PHKA1: variants seen among roughly 807,000 people sequenced by gnomAD.
PHKA1 encodes phosphorylase kinase regulatory subunit alpha 1, also known as phosphorylase b kinase regulatory subunit alpha, skeletal muscle isoform.
Under a neutral mutation model 110.2 loss-of-function variants are expected in PHKA1, and 60 were observed. The ratio of observed to expected loss-of-function variants is 0.54; its 90% CI spans 0.44 to 0.68. PHKA1 has a LOEUF of 0.68. PHKA1 is among the 30% of genes least tolerant of loss of function. The pLI, the probability that PHKA1 is intolerant of heterozygous loss-of-function variation, is 0.00. For synonymous variants in PHKA1, 316 were observed against 333.6 expected, an observed-to-expected ratio of 0.95 and a Z score of 0.58; for missense variants, 801 against 942.5, an observed-to-expected ratio of 0.85 and a Z score of 1.97.
chrX:72,599,941 A>C lies in PHKA1; in HGVS notation c.3072+2050T>G, dbSNP rs1234192888. 4.2e-5 allele frequency: 20 copies of C among 481,508 alleles called. No homozygotes were observed. In the East Asian group the frequency reaches 7.5e-4, roughly 18 times the overall value. The allele number at this position is 481,508 out of a possible 1,213,427, so 39.7% of individuals were successfully genotyped here. A position where few individuals can be genotyped will look rare whatever the true frequency, so the allele number is the denominator to read the frequency against. ...AAACAATTATTTGTACTTTTAAGTCACTAGTGGAGTAAAAATACAGACTAT... is the reference window on the plus strand; with the variant it reads ...AAACAATTATTTGTACTTTTAAGTCCCTAGTGGAGTAAAAATACAGACTAT... On this transcript the variant is annotated intron_variant, in intron 28 of 31. Coordinates refer to ENST00000373542, the MANE Select transcript of PHKA1 (RefSeq NM_002637.4).
At chrX:72,616,558 G>A (rs1449968010) in intron 21 of PHKA1, among the ~76,000 whole-genome samples, 3 of 110,810 alleles carry the variant, frequency 2.7e-5, no homozygotes, top group Admixed American at 1.9e-4. Flanking sequence ...ATAATAGTAC[G>A]GGCCTTCAAC....
intron 28 of PHKA1, among the ~76,000 whole-genome samples, chrX:72,596,005 TGCA>T (rs1369458372): frequency 3.6e-5 from 4 of 112,351 alleles, no homozygotes; most frequent in African/African-American, 1.3e-4. Flanking sequence ...CATGTTCAAA[TGCA>T]GCATTATTCA....
chrX:72,712,708 C>T, intron 2 of PHKA1, 71 bp downstream of exon 2: 1 of 1,013,674 alleles, frequency 9.9e-7, no homozygotes. Context: ...TCACTTCCTT[C>T]AGTCCCCACT....
At chrX:72,646,732 A>C (rs1219650914) in intron 13 of PHKA1, among the ~76,000 whole-genome samples, 2 of 111,865 alleles carry the variant, frequency 1.8e-5, no homozygotes, top group African/African-American at 6.5e-5. Flanking sequence ...TTGTAGAGGC[A>C]TAATCAGAGG....
chrX:72,650,356 T>C, intron 13 of PHKA1, 34 bp downstream of exon 13: 3 of 1,109,494 alleles, frequency 2.7e-6, no homozygotes, highest in Non-Finnish European at 2.5e-6. Context: ...ACCTTTAATA[T>C]AAAGTTTCTT....
chrX:72,652,213 TTAAC>T (rs1248506404), intron 12 of PHKA1, among the ~76,000 whole-genome samples: 2 of 111,834 alleles, frequency 1.8e-5, no homozygotes, highest in Non-Finnish European at 3.8e-5. Context: ...TTATCAGTAA[TTAAC>T]TAGCTAAGCA....
chrX:72,613,440 G>T (rs1166069035), intron 21 of PHKA1, among the ~76,000 whole-genome samples: 1 of 110,012 alleles, frequency 9.1e-6, no homozygotes, highest in Non-Finnish European at 1.9e-5. Context: ...GGGGAACAGG[G>T]TATCTGGGGG....
chrX:72,701,929 C>T (rs1556329787), intron 3 of PHKA1, among the ~76,000 whole-genome samples: 1 of 112,014 alleles, frequency 8.9e-6, no homozygotes, highest in South Asian at 3.7e-4. Context: ...ATAGGACACC[C>T]ATTGTTAGAT....
intron 12 of PHKA1, 80 bp from the exon 13 acceptor site, chrX:72,650,548 C>A: frequency 5.3e-6 from 4 of 749,666 alleles, no homozygotes; most frequent in Non-Finnish European, 8.2e-6. Context: ...CATCCCTATG[C>A]CCATAACCTT....
In PHKA1 at chrX:72,627,942, C is replaced by T. The variant is rs568297431; in HGVS notation, c.1715-893G>A. Among the ~76,000 whole-genome samples, 176 of 108,326 alleles carry T rather than the reference C, an allele frequency of 1.6e-3. 3 individuals carry two copies. The South Asian group carries it at 0.071, about 43-fold the overall frequency. 94.1% of individuals were successfully genotyped at this position (108,326 alleles called of 115,157 possible). On this transcript the variant is annotated intron_variant, in intron 16 of 31. Coordinates refer to ENST00000373542, the MANE Select transcript of PHKA1 (RefSeq NM_002637.4). ...ACGCCATTCTCCGGCCTCAGCCTCC[C>T]GAGTAGCTGGGACTACAGGCGCCCG...
intron 28 of PHKA1, 59 bp from the exon 29 acceptor site, chrX:72,593,333 T>C: frequency 1.1e-6 from 1 of 908,928 alleles, no homozygotes; most frequent in Non-Finnish European, 1.5e-6. Context: ...TATGATGAAG[T>C]CTTTGAACTT....
chrX:72,704,563 T>C (rs1295484480), intron 3 of PHKA1, among the ~76,000 whole-genome samples: 2 of 108,728 alleles, frequency 1.8e-5, no homozygotes, highest in African/African-American at 7.0e-5. Flanking sequence ...AATGAGGGTT[T>C]TGTGTATGTG....
rs1271854811 is a variant in PHKA1, at chrX:72,667,464, C to T, written c.628G>A (p.Glu210Lys). 1 of 1,202,014 alleles carries T rather than the reference C, an allele frequency of 8.3e-7. No homozygotes were observed. The highest frequency in any genetic ancestry group is 1.7e-5 in the African/African-American group (1 of 57,182). Reference sequence around the variant, plus strand: ...AACAGATCCAGTTCATCTAATGCTTCCAGGGCTGCCTGTGAGGAACAAGAA... The same window carrying T: ...AACAGATCCAGTTCATCTAATGCTTTCAGGGCTGCCTGTGAGGAACAAGAA... ...SSVGMAKAAL[E>K]ALDELDLFGV... The change falls in exon 7 of 32, where the codon GAA becomes AAA. Residue 210 changes from glutamate to lysine, a missense_variant. Glu to Lys is a moderately conservative substitution (Grantham distance 56). Around this residue, in one of 2 missense-constraint regions of PHKA1, gnomAD observed 299 missense variants for 423.3 expected, o/e 0.71. Coordinates refer to ENST00000373542, the MANE Select transcript of PHKA1 (RefSeq NM_002637.4).
intron 14 of PHKA1, among the ~76,000 whole-genome samples, chrX:72,642,696 C>G (rs923600460): frequency 9.0e-6 from 1 of 110,716 alleles, no homozygotes; most frequent in South Asian, 3.9e-4. Flanking sequence ...GTTTCAGGAG[C>G]CTTGACTTGG....
At chrX:72,674,830 A>G (rs1412719253) in intron 6 of PHKA1, among the ~76,000 whole-genome samples, 1 of 111,465 alleles carries the variant, frequency 9.0e-6, no homozygotes, top group African/African-American at 3.3e-5. Context: ...AAAAGAATGA[A>G]CTAAATTTGT....
Position 72,602,012 on chromosome X carries a change from C to T in PHKA1, c.3051G>A (p.Leu1017=), listed in dbSNP as rs1556243708. The change falls in exon 28 of 32, where the codon CTG becomes CTA. Residue 1017 remains leucine, a synonymous_variant. Coordinates refer to ENST00000373542, the MANE Select transcript of PHKA1 (RefSeq NM_002637.4). ...SEIKQVEFRR[L]SISAESQSPG... The stretch of plus-strand genomic sequence containing the variant: ...TCACCTGACTCTCAGCTGAGATTGA[C>T]AGTCTACGAAATTCCACCTGAAACA... 1 of 1,199,065 alleles carries T rather than the reference C, an allele frequency of 8.3e-7. No individual in the cohort carries two copies. The highest frequency in any genetic ancestry group is 1.1e-6 in the Non-Finnish European group (1 of 884,944).
At chrX:72,597,067 A>G (rs1470152197) in intron 28 of PHKA1, among the ~76,000 whole-genome samples, 1 of 112,304 alleles carries the variant, frequency 8.9e-6, no homozygotes, top group Non-Finnish European at 1.9e-5. Context: ...ATGCAAAAGA[A>G]TGAAGTTGAA....
intron 16 of PHKA1, among the ~76,000 whole-genome samples, chrX:72,631,378 C>T (rs1479336978): frequency 9.0e-6 from 1 of 111,068 alleles, no homozygotes; most frequent in Non-Finnish European, 1.9e-5. Flanking sequence ...AGTTTAAGCT[C>T]CCCACTAGCC....
intron 3 of PHKA1, among the ~76,000 whole-genome samples, chrX:72,702,716 C>T (rs989339337): frequency 9.0e-6 from 1 of 111,547 alleles, no homozygotes; most frequent in South Asian, 3.8e-4. Context: ...ATCAGAGATT[C>T]ATTTTCTTGT....
Sources: allele counts gnomAD v4.1 joint callset (sites outside exome capture counted in the v4.1 genomes callset), GRCh38; gene constraint gnomAD v4.1.1; regional missense constraint gnomAD v4.1.1; transcripts MANE v1.5; gene names NCBI Gene and HGNC (gene_info 2026-07-23, HGNC 2026-07-21).